The following RAB38 variants were observed in gnomAD, a reference collection of about 807,000 sequenced individuals.
RAB38 encodes the protein RAB38, member RAS oncogene family.
RAB38 carries 15 observed loss-of-function variants against 18.4 expected under a neutral mutation model. That is an observed-to-expected ratio of 0.82 (90% CI 0.55 to 1.26). RAB38 has a LOEUF of 1.26. Among genes scored for constraint, RAB38 ranks in the 50% most tolerant of loss-of-function variants. RAB38 has a pLI of 0.00. For missense variants in RAB38, 294 were observed against 267.4 expected, an observed-to-expected ratio of 1.10 and a Z score of -0.69; for synonymous variants, 101 against 104.4, an observed-to-expected ratio of 0.97 and a Z score of 0.20.
At chr11:88,024,958 A>G in the RAB38 span, among the ~76,000 whole-genome samples, 1 of 152,168 alleles carries the variant, frequency 6.6e-6, no homozygotes, top group Non-Finnish European at 1.5e-5. Flanking sequence ...TGACAGCACA[A>G]CGGAGAGACT....
chr11:87,893,212 C>T, the RAB38 span, among the ~76,000 whole-genome samples: 1 of 150,970 alleles, frequency 6.6e-6, no homozygotes, highest in Non-Finnish European at 1.5e-5. Context: ...GGAAATATCA[C>T]ACTGGCAGCT....
chr11:88,140,366 G>A (rs766502021), intron 2 of RAB38, among the ~76,000 whole-genome samples: 17 of 152,296 alleles, frequency 1.1e-4, no homozygotes, highest in South Asian at 2.1e-4. Context: ...TAAATACTCC[G>A]CACGGGCAGG....
Position 88,167,635 on chromosome 11 carries a change from T to G in RAB38, c.202+7548A>C, listed in dbSNP as rs150883356. The G allele has an allele frequency of 6.6e-5, 10 of 152,154 alleles. No individual in the cohort carries two copies. The East Asian group carries it at 1.9e-3, about 29-fold the overall frequency. The allele number at this position is 152,154 out of a possible 1,614,324, so 9.4% of individuals were successfully genotyped here. Reference sequence around the variant, plus strand: ...ACAAAATTTAATTAGTACTTGAGAGTGGGCAATGAAAGGAAGGAGAGAACA... The same window carrying G: ...ACAAAATTTAATTAGTACTTGAGAGGGGGCAATGAAAGGAAGGAGAGAACA... On this transcript the variant is annotated intron_variant, in intron 1 of 2. Transcript: ENST00000243662.
chr11:87,950,747 A>G, the RAB38 span, among the ~76,000 whole-genome samples: 9 of 151,786 alleles, frequency 5.9e-5, no homozygotes, highest in African/African-American at 2.2e-4. Flanking sequence ...GTTTCTGCAG[A>G]GAGATCAGCT....
In RAB38 at chr11:88,159,952, T is replaced by C. The variant is rs550556786; in HGVS notation, c.203-9997A>G. Reference sequence around the variant, plus strand: ...TTTATGACTAATTCCTCAAAAGCAATTGCAACAAAAACAAAAACTGACAAG... The same window carrying C: ...TTTATGACTAATTCCTCAAAAGCAACTGCAACAAAAACAAAAACTGACAAG... On this transcript the variant is annotated intron_variant, in intron 1 of 2. Coordinates refer to ENST00000243662, the MANE Select transcript of RAB38 (RefSeq NM_022337.3). Among the ~76,000 whole-genome samples, 6 of 151,950 alleles carry C rather than the reference T, an allele frequency of 3.9e-5. 1 individual carries two copies. Among genetic ancestry groups the C allele is most frequent in the Non-Finnish European group, 7.4e-5 (5 of 67,948 alleles).
chr11:88,060,869 A>C, the RAB38 span, among the ~76,000 whole-genome samples: 1 of 152,222 alleles, frequency 6.6e-6, no homozygotes, highest in South Asian at 2.1e-4. Context: ...AAAAGTTCCA[A>C]AAATGCTGAA....
the RAB38 span, among the ~76,000 whole-genome samples, chr11:87,810,413 CA>C: frequency 6.6e-6 from 1 of 152,088 alleles, no homozygotes; most frequent in Non-Finnish European, 1.5e-5. Flanking sequence ...TGGAATCATA[CA>C]GTGTGAACTT....
At chr11:88,174,421 T>A (rs564780805) in intron 1 of RAB38, among the ~76,000 whole-genome samples, 1 of 152,074 alleles carries the variant, frequency 6.6e-6, no homozygotes, top group South Asian at 2.1e-4. Flanking sequence ...GATCTCTCAA[T>A]GAAAACTTTA....
chr11:87,968,140 CCTT>C, the RAB38 span, among the ~76,000 whole-genome samples: 7 of 152,004 alleles, frequency 4.6e-5, no homozygotes, highest in African/African-American at 1.7e-4. Context: ...ATTTATTGTA[CCTT>C]CTTAATTTCC....
chr11:88,137,838 G>C (rs576059566), intron 2 of RAB38, among the ~76,000 whole-genome samples: 1 of 152,190 alleles, frequency 6.6e-6, no homozygotes, highest in African/African-American at 2.4e-5. Context: ...CTTTAAGAAT[G>C]AGAATGGTAT....
At chr11:88,135,357 A>AGG (rs1392991167) in intron 2 of RAB38, among the ~76,000 whole-genome samples, 1 of 152,214 alleles carries the variant, frequency 6.6e-6, no homozygotes, top group Non-Finnish European at 1.5e-5. Context: ...TATTTTGTCC[A>AGG]CTGGTATAGC....
downstream of RAB38, among the ~76,000 whole-genome samples, chr11:88,110,813 CAA>C (rs10700245): frequency 1.2e-4 from 14 of 115,210 alleles, no homozygotes; most frequent in Admixed American, 1.8e-4. Context: ...GACTCCATCT[CAA>C]AAAAAAAAAA....
At chr11:87,941,990 G>A in the RAB38 span, among the ~76,000 whole-genome samples, 7 of 152,162 alleles carry the variant, frequency 4.6e-5, no homozygotes, top group African/African-American at 1.7e-4. Flanking sequence ...ATTTGGTGAT[G>A]AGGCTGCTGA....
At chr11:87,934,221 C>G in the RAB38 span, among the ~76,000 whole-genome samples, 3 of 152,080 alleles carry the variant, frequency 2.0e-5, no homozygotes, top group Non-Finnish European at 4.4e-5. Flanking sequence ...GAAACAGACA[C>G]TGCAATGACT....
At chr11:88,052,470 A>G in the RAB38 span, among the ~76,000 whole-genome samples, 1 of 152,124 alleles carries the variant, frequency 6.6e-6, no homozygotes, top group South Asian at 2.1e-4. Context: ...AAAAACCACT[A>G]CAAAAAGGTA....
chr11:87,850,670 G>T, the RAB38 span, among the ~76,000 whole-genome samples: 1 of 151,234 alleles, frequency 6.6e-6, no homozygotes, highest in Non-Finnish European at 1.5e-5. Flanking sequence ...ACCCAAGACT[G>T]ATTGAAGAAT....
chr11:87,961,138 A>G, the RAB38 span, among the ~76,000 whole-genome samples: 15 of 152,170 alleles, frequency 9.9e-5, no homozygotes, highest in Admixed American at 8.5e-4. Flanking sequence ...CCAAAACCTA[A>G]TGGCACTTGT....
At chr11:88,015,149 G>A in the RAB38 span, among the ~76,000 whole-genome samples, 1 of 151,570 alleles carries the variant, frequency 6.6e-6, no homozygotes, top group South Asian at 2.1e-4. Flanking sequence ...TAAGAAGTAT[G>A]TGGCTGGCTA....
chr11:88,102,071 A>G, the RAB38 span, among the ~76,000 whole-genome samples: 1 of 152,018 alleles, frequency 6.6e-6, no homozygotes, highest in South Asian at 2.1e-4. Flanking sequence ...TGAGGGCTAC[A>G]TAAGCATCTG....
Sources: allele counts gnomAD v4.1 joint callset (sites outside exome capture counted in the v4.1 genomes callset), GRCh38; gene constraint gnomAD v4.1.1; transcripts MANE v1.5; gene names NCBI Gene and HGNC (gene_info 2026-07-23, HGNC 2026-07-21).